SEMA3A: variants seen among roughly 807,000 people sequenced by gnomAD.
The protein encoded by SEMA3A is semaphorin 3A.
A neutral mutation model predicts 97.9 loss-of-function variants in SEMA3A; 29 were observed. The ratio of observed to expected loss-of-function variants is 0.30; its 90% CI spans 0.22 to 0.40. The LOEUF (loss-of-function observed/expected upper bound fraction) is 0.40, where lower values mean the gene tolerates loss of function less well. SEMA3A is among the 10% of genes least tolerant of loss of function. The probability of loss-of-function intolerance (pLI) is 1.00; values close to 1 mark genes in which losing one functional copy is unlikely to be tolerated. For missense variants in SEMA3A, 763 were observed against 951.3 expected, an observed-to-expected ratio of 0.80 and a Z score of 2.60; for synonymous variants, 321 against 323.7, an observed-to-expected ratio of 0.99 and a Z score of 0.09.
intron 1 of SEMA3A, among the ~76,000 whole-genome samples, chr7:84,464,298 G>T (rs746952467): frequency 5.5e-4 from 84 of 152,242 alleles, no homozygotes; most frequent in Non-Finnish European, 9.0e-4. Flanking sequence ...ACACAAAGTG[G>T]AACTCAAATA....
intron 1 of SEMA3A, among the ~76,000 whole-genome samples, chr7:84,455,979 A>T (rs1315135351): frequency 6.6e-6 from 1 of 151,906 alleles, no homozygotes; most frequent in Non-Finnish European, 1.5e-5. Flanking sequence ...ATGGATACAT[A>T]TTCTGTCTAC....
intron 3 of SEMA3A, among the ~76,000 whole-genome samples, chr7:84,241,300 A>G (rs552469621): frequency 6.6e-6 from 1 of 152,290 alleles, no homozygotes; most frequent in Admixed American, 6.5e-5. Context: ...TCACCATTCT[A>G]ACGGCATGAG....
At chr7:84,155,421 T>C (rs768011770) in intron 1 of SEMA3A, among the ~76,000 whole-genome samples, 1 of 152,182 alleles carries the variant, frequency 6.6e-6, no homozygotes, top group Non-Finnish European at 1.5e-5. Context: ...GAGATGTCAG[T>C]GTGCTTTGGG....
intron 3 of SEMA3A, among the ~76,000 whole-genome samples, chr7:84,230,963 A>G (rs1799103777): frequency 6.6e-6 from 1 of 151,810 alleles, no homozygotes; most frequent in Non-Finnish European, 1.5e-5. Flanking sequence ...TTACCCCCCA[A>G]TCTTAAGAGT....
intron 3 of SEMA3A, among the ~76,000 whole-genome samples, chr7:84,110,985 T>C (rs552619170): frequency 2.0e-5 from 3 of 152,216 alleles, no homozygotes; most frequent in Non-Finnish European, 4.4e-5. Flanking sequence ...GGGGAAAATT[T>C]ACTTGCAAAA....
intron 1 of SEMA3A, among the ~76,000 whole-genome samples, chr7:84,475,617 T>C (rs1300132158): frequency 6.6e-6 from 1 of 152,192 alleles, no homozygotes; most frequent in African/African-American, 2.4e-5. Context: ...GGTGGTTTAA[T>C]TGGAAAGTCG....
intron 1 of SEMA3A, among the ~76,000 whole-genome samples, chr7:84,489,528 G>A (rs1383363368): frequency 6.6e-6 from 1 of 152,086 alleles, no homozygotes; most frequent in Non-Finnish European, 1.5e-5. Flanking sequence ...GCCCACTAAT[G>A]TTATTCATTA....
intron 1 of SEMA3A, among the ~76,000 whole-genome samples, chr7:84,157,877 C>A (rs1206550659): frequency 6.6e-6 from 1 of 152,128 alleles, no homozygotes; most frequent in Non-Finnish European, 1.5e-5. Context: ...ATACATAGGT[C>A]ATATCATACA....
chr7:84,195,667 A>G (rs1305167596), upstream of SEMA3A, among the ~76,000 whole-genome samples: 2 of 152,152 alleles, frequency 1.3e-5, no homozygotes, highest in African/African-American at 4.8e-5. Context: ...GGGGATTCTC[A>G]AAAGGATACT....
rs970248756 is a variant in SEMA3A at position 84,136,724 on chromosome 7, A to AT, written c.113-1774dup. On this transcript the variant is annotated intron_variant, in intron 1 of 16. Coordinates refer to ENST00000265362, the MANE Select transcript of SEMA3A (RefSeq NM_006080.3). The stretch of plus-strand genomic sequence containing the variant: ...TAATAGCTCATCATGCCTAACTCAC[A>AT]TTTTTTTTTCATATTACCTGGTCAA... 3.4e-4 allele frequency among the ~76,000 whole-genome samples: 51 copies of AT among 150,758 alleles called. No homozygotes were observed. In the East Asian group the frequency reaches 7.2e-3, roughly 21 times the overall value.
chr7:84,484,539 TC>T (rs1806525811), intron 1 of SEMA3A, among the ~76,000 whole-genome samples: 1 of 130,636 alleles, frequency 7.7e-6, no homozygotes, highest in African/African-American at 3.2e-5. Flanking sequence ...ATTCACTTGT[TC>T]ACTTTCACAC....
chr7:84,408,475 G>C (rs987720011), intron 1 of SEMA3A, among the ~76,000 whole-genome samples: 1 of 151,932 alleles, frequency 6.6e-6, no homozygotes, highest in African/African-American at 2.4e-5. Context: ...CATTGTGGAA[G>C]TCAGTGTGGC....
At chr7:84,399,570 T>C (rs997335069) in intron 1 of SEMA3A, among the ~76,000 whole-genome samples, 2 of 152,046 alleles carry the variant, frequency 1.3e-5, no homozygotes, top group African/African-American at 4.8e-5. Flanking sequence ...TCCAACTGAA[T>C]ATCAGCCCAA....
intron 1 of SEMA3A, among the ~76,000 whole-genome samples, chr7:84,410,500 A>T (rs1264906100): frequency 2.6e-5 from 4 of 152,126 alleles, no homozygotes; most frequent in Non-Finnish European, 5.9e-5. Flanking sequence ...TACTTATGTT[A>T]CATGAAAGCA....
chr7:84,355,964 A>G (rs1040166168), intron 2 of SEMA3A, among the ~76,000 whole-genome samples: 1 of 151,874 alleles, frequency 6.6e-6, no homozygotes, highest in Admixed American at 6.6e-5. Context: ...GAAATATCGT[A>G]TACTGAAAGG....
intron 1 of SEMA3A, among the ~76,000 whole-genome samples, chr7:84,443,880 CTTTTT>C (rs71078831): frequency 0.027 from 2,481 of 92,384 alleles, 64 homozygotes; most frequent in African/African-American, 0.091. Context: ...GTGCTTTGTC[CTTTTT>C]TTTTTTTTTT....
chr7:84,005,927 C>G (rs1790649066), intron 10 of SEMA3A, among the ~76,000 whole-genome samples: 1 of 151,864 alleles, frequency 6.6e-6, no homozygotes, highest in South Asian at 2.1e-4. Flanking sequence ...GTAGCCTAAG[C>G]AATAGAACAA....
At chr7:84,004,599 A>ATCTT (rs1441464551) in intron 11 of SEMA3A, among the ~76,000 whole-genome samples, 1 of 152,174 alleles carries the variant, frequency 6.6e-6, no homozygotes, top group Non-Finnish European at 1.5e-5. Flanking sequence ...TGAGTAATAT[A>ATCTT]TCTTTGTTCT....
rs751987353 is a variant in SEMA3A, at chr7:84,030,337, G to T, written c.668-15986C>A. On this transcript the variant is annotated intron_variant, in intron 6 of 16. Coordinates refer to ENST00000265362, the MANE Select transcript of SEMA3A (RefSeq NM_006080.3). Reference sequence around the variant, plus strand: ...TAACCTACCTCATTTTTAAATTAGAGCACGTTTTTCTTCCCTTTGCCAGGA... The same window carrying T: ...TAACCTACCTCATTTTTAAATTAGATCACGTTTTTCTTCCCTTTGCCAGGA... Among the ~76,000 whole-genome samples the T allele has an allele frequency of 9.7e-4, 148 of 152,110 alleles. 1 individual carries two copies. Among genetic ancestry groups the T allele is most frequent in the Non-Finnish European group, 1.7e-3 (116 of 67,992 alleles).
Sources: allele counts gnomAD v4.1 joint callset (sites outside exome capture counted in the v4.1 genomes callset), GRCh38; gene constraint gnomAD v4.1.1; transcripts MANE v1.5; gene names NCBI Gene and HGNC (gene_info 2026-07-23, HGNC 2026-07-21).